The following GPA33 variants were observed in gnomAD, a reference collection of about 807,000 sequenced individuals.
GPA33 encodes the protein cell surface A33 antigen.
In GPA33, 27 loss-of-function variants were observed where a neutral mutation model predicts 35.6. The ratio of observed to expected loss-of-function variants is 0.76; its 90% CI spans 0.56 to 1.04. The LOEUF (loss-of-function observed/expected upper bound fraction) is 1.04, where lower values mean the gene tolerates loss of function less well. GPA33 is among the 50% of genes least tolerant of loss of function. The pLI, the probability that GPA33 is intolerant of heterozygous loss-of-function variation, is 0.00. For missense variants in GPA33, 428 were observed against 411.9 expected, an observed-to-expected ratio of 1.04 and a Z score of -0.34; for synonymous variants, 176 against 164.0, an observed-to-expected ratio of 1.07 and a Z score of -0.56.
chr1:167,061,586 GTTTTTT>G (rs397981830), intron 4 of GPA33, among the ~76,000 whole-genome samples: 5 of 74,626 alleles, frequency 6.7e-5, no homozygotes, highest in African/African-American at 2.2e-4. Context: ...TCTACTAACT[GTTTTTT>G]TTTTTTTTTT....
intron 2 of GPA33, among the ~76,000 whole-genome samples, chr1:167,072,281 A>C (rs755570889): frequency 6.6e-6 from 1 of 152,152 alleles, no homozygotes; most frequent in Non-Finnish European, 1.5e-5. Context: ...TTAAAAGAAG[A>C]CCTCACTTTT....
intron 4 of GPA33, among the ~76,000 whole-genome samples, chr1:167,059,527 CCT>C (rs983482703): frequency 1.3e-5 from 2 of 151,852 alleles, no homozygotes; most frequent in South Asian, 2.1e-4. Context: ...CCTGCTGCCA[CCT>C]CTCTCTCACA....
chr1:167,056,662 G>A (rs1199312936), intron 4 of GPA33, among the ~76,000 whole-genome samples: 8 of 47,336 alleles, frequency 1.7e-4, no homozygotes, highest in African/African-American at 2.7e-4. Context: ...TGTGTGGTAC[G>A]GTGAGTGTGT....
rs757733643 is a variant in GPA33 at position 167,069,013 on chromosome 1, G to A, written c.324C>T (p.Thr108=). 6.2e-7 allele frequency: 1 copy of A among 1,613,940 alleles called. No homozygotes were observed. ...ACTCGTAGGTGCCGTTGTCAGCCAT[G>A]GTCAGCTGATCAATGGTGATGGAGG... ...SDASITIDQL[T]MADNGTYECS... is the part of the protein sequence containing the mutation. The change falls in exon 3 of 7, where the codon ACC becomes ACT. Residue 108 remains threonine, a synonymous_variant. Transcript: ENST00000367868.
chr1:167,067,244 G>A (rs1442909020), intron 3 of GPA33, among the ~76,000 whole-genome samples: 1 of 151,522 alleles, frequency 6.6e-6, no homozygotes, highest in Non-Finnish European at 1.5e-5. Context: ...TTGCAGCCTC[G>A]ACCTCCCCAA....
At chr1:167,082,064 A>G (rs115512798) in intron 1 of GPA33, among the ~76,000 whole-genome samples, 65 of 152,322 alleles carry the variant, frequency 4.3e-4, no homozygotes, top group African/African-American at 1.4e-3. Context: ...GGGAAGGCTT[A>G]TTGAGGAGGT....
intron 1 of GPA33, among the ~76,000 whole-genome samples, chr1:167,079,691 T>C (rs1424272609): frequency 6.6e-6 from 1 of 152,204 alleles, no homozygotes; most frequent in South Asian, 2.1e-4. Flanking sequence ...GAATCCTTCA[T>C]AGCTAGCCTA....
chr1:167,068,713 G>A (rs1571311547), intron 3 of GPA33, among the ~76,000 whole-genome samples: 1 of 152,202 alleles, frequency 6.6e-6, no homozygotes, highest in Non-Finnish European at 1.5e-5. Flanking sequence ...CTCTGTCCTC[G>A]AGACTGTTGG....
Position 167,069,132 on chromosome 1 carries a change from C to A in GPA33, c.205G>T (p.Val69Leu). The A allele has an allele frequency of 6.2e-7, 1 of 1,611,542 alleles. No individual in the cohort carries two copies. Among genetic ancestry groups the A allele is most frequent in the Non-Finnish European group, 8.5e-7 (1 of 1,177,762 alleles). The change falls in exon 3 of 7, where the codon GTG becomes TTG. Residue 69 changes from valine (V) to leucine (L), a missense_variant. Coordinates refer to ENST00000367868, the MANE Select transcript of GPA33 (RefSeq NM_005814.3). ...DKLLLTHTER[V>L]VIWPFSNKNY... is the part of the protein sequence containing the mutation. The stretch of plus-strand genomic sequence containing the variant: ...TTGTTTGAAAACGGCCAGATGACCA[C>A]CCTTTCCTGGAGAGAGAAGAAATGG...
At chr1:167,070,633 A>G (rs1666700066) in intron 2 of GPA33, among the ~76,000 whole-genome samples, 2 of 152,230 alleles carry the variant, frequency 1.3e-5, no homozygotes, top group Non-Finnish European at 2.9e-5. Context: ...AGAGCCATGT[A>G]TTTAGGAAGT....
chr1:167,059,115 T>C (rs552715993), intron 4 of GPA33, among the ~76,000 whole-genome samples: 1 of 152,206 alleles, frequency 6.6e-6, no homozygotes, highest in South Asian at 2.1e-4. Context: ...GTGGGGAACA[T>C]GGGGTTTCCT....
At chr1:167,060,797 G>A (rs1644405551) in intron 4 of GPA33, among the ~76,000 whole-genome samples, 1 of 152,108 alleles carries the variant, frequency 6.6e-6, no homozygotes, top group African/African-American at 2.4e-5. Flanking sequence ...TAACGCACAG[G>A]CTCTTCATGA....
chr1:167,086,295 A>G (rs1488431244), intron 1 of GPA33, among the ~76,000 whole-genome samples: 2 of 152,230 alleles, frequency 1.3e-5, no homozygotes, highest in African/African-American at 2.4e-5. Context: ...AGGGCCACAG[A>G]GCAGATGGTG....
intron 1 of GPA33, 145 bp downstream of exon 1, chr1:167,090,100 G>A (rs924496421): frequency 2.3e-5 from 15 of 660,580 alleles, no homozygotes; most frequent in East Asian, 2.2e-4. Context: ...GCACTGGTCC[G>A]GAATGTGTAA....
intron 1 of GPA33, among the ~76,000 whole-genome samples, chr1:167,080,563 C>T (rs916489006): frequency 6.6e-6 from 1 of 152,198 alleles, no homozygotes; most frequent in Non-Finnish European, 1.5e-5. Flanking sequence ...GGGTTGGCAT[C>T]CTCTTTCTTA....
chr1:167,087,906 T>C (rs1240000179), intron 1 of GPA33, among the ~76,000 whole-genome samples: 1 of 73,144 alleles, frequency 1.4e-5, no homozygotes, highest in East Asian at 2.7e-4. Context: ...AGCCAGACTC[T>C]GTCTCACACA....
At chr1:167,056,688 TGGTG>T (rs1237469158) in intron 4 of GPA33, among the ~76,000 whole-genome samples, 1 of 102,904 alleles carries the variant, frequency 9.7e-6, no homozygotes, top group African/African-American at 4.0e-5. Context: ...GTCTGGTGTG[TGGTG>T]GGTGTGTGGT....
In GPA33 at chr1:167,068,919, C is replaced by G. The variant is rs775535475; in HGVS notation, c.415+3G>C. 8.7e-6 allele frequency: 14 copies of G among 1,609,588 alleles called. No individual in the cohort carries two copies. The highest frequency in any genetic ancestry group is 1.2e-5 in the Non-Finnish European group (14 of 1,177,442). On this transcript the variant is annotated splice_donor_region_variant and intron_variant, in intron 3 of 6. Coordinates refer to ENST00000367868, the MANE Select transcript of GPA33 (RefSeq NM_005814.3). ...AACTCCTGAAAGACATGAAGACACTCACCGAGGACCAACAGGCGGACACGT... is the reference window on the plus strand; with the variant it reads ...AACTCCTGAAAGACATGAAGACACTGACCGAGGACCAACAGGCGGACACGT...
At chr1:167,065,333 T>C (rs901370728) in intron 3 of GPA33, among the ~76,000 whole-genome samples, 9 of 152,020 alleles carry the variant, frequency 5.9e-5, no homozygotes, top group African/African-American at 9.7e-5. Context: ...AAAGAGGTGA[T>C]GGTACTCCAG....
Sources: allele counts gnomAD v4.1 joint callset (sites outside exome capture counted in the v4.1 genomes callset), GRCh38; gene constraint gnomAD v4.1.1; transcripts MANE v1.5; gene names NCBI Gene and HGNC (gene_info 2026-07-23, HGNC 2026-07-21).